Variants in PCDHA2 observed in about 807,000 individuals in gnomAD.
The protein encoded by PCDHA2 is protocadherin alpha 2.
PCDHA2 carries 58 observed loss-of-function variants against 66.0 expected under a neutral mutation model. That is an observed-to-expected ratio of 0.88 (90% CI 0.71 to 1.09). The LOEUF (loss-of-function observed/expected upper bound fraction) is 1.09, where lower values mean the gene tolerates loss of function less well. PCDHA2 is among the 50% of genes least tolerant of loss of function. The pLI, the probability that PCDHA2 is intolerant of heterozygous loss-of-function variation, is 0.00. For synonymous variants in PCDHA2, 634 were observed against 554.0 expected, an observed-to-expected ratio of 1.14 and a Z score of -2.03; for missense variants, 1,267 against 1,242.3, an observed-to-expected ratio of 1.02 and a Z score of -0.30.
chr5:140,856,348 G>A (rs2043945989), intron 1 of PCDHA2: 2 of 1,598,578 alleles, frequency 1.3e-6, no homozygotes, highest in Admixed American at 1.7e-5. Context: ...GGAGCGTGGA[G>A]TGCAGCATCC....
chr5:140,922,939 T>C (rs1206981483), intron 1 of PCDHA2, among the ~76,000 whole-genome samples: 1 of 152,172 alleles, frequency 6.6e-6, no homozygotes, highest in Non-Finnish European at 1.5e-5. Flanking sequence ...CTTCCAGCAA[T>C]GGAAATCCAG....
intron 1 of PCDHA2, chr5:140,823,642 G>A (rs138093911): frequency 5.6e-6 from 9 of 1,613,918 alleles, no homozygotes; most frequent in African/African-American, 1.3e-5. Context: ...CCCGTTCCGC[G>A]TGGGGCTGTA....
At chr5:140,835,863 CTGG>C in intron 1 of PCDHA2, 1 of 1,612,100 alleles carries the variant, frequency 6.2e-7, no homozygotes, top group Non-Finnish European at 8.5e-7. Context: ...GTCCTACTCG[CTGG>C]TGGAGCTGCG....
At chr5:140,982,694 A>G in intron 3 of PCDHA2, 131 bp downstream of exon 3, 1 of 1,402,998 alleles carries the variant, frequency 7.1e-7, no homozygotes, top group Non-Finnish European at 9.4e-7. Flanking sequence ...TTCCATACAT[A>G]CATGATTTCC....
intron 1 of PCDHA2, among the ~76,000 whole-genome samples, chr5:140,919,122 T>G (rs879989359): frequency 6.6e-6 from 1 of 152,224 alleles, no homozygotes; most frequent in African/African-American, 2.4e-5. Context: ...AGTTTTTGCT[T>G]CATGTGTTTT....
intron 3 of PCDHA2, among the ~76,000 whole-genome samples, chr5:141,000,387 CTCTCTCTCTA>C (rs1244377903): frequency 2.3e-3 from 152 of 66,802 alleles, no homozygotes; most frequent in African/African-American, 4.6e-3. Flanking sequence ...CTCTCTCTCT[CTCTCTCTCTA>C]TATATATATA....
intron 1 of PCDHA2, chr5:140,856,893 C>T (rs267600397): frequency 6.3e-7 from 1 of 1,596,420 alleles, no homozygotes; most frequent in Non-Finnish European, 8.6e-7. Flanking sequence ...TCATTTAGCT[C>T]TTTGGTCCCA....
At chr5:140,848,934 C>A in intron 1 of PCDHA2, 1 of 1,607,578 alleles carries the variant, frequency 6.2e-7, no homozygotes, top group Non-Finnish European at 8.5e-7. Context: ...GGAATCCAGG[C>A]CGCTTGACTC....
chr5:140,882,161 T>C (rs1235221234), intron 1 of PCDHA2: 1 of 1,509,194 alleles, frequency 6.6e-7, no homozygotes, highest in African/African-American at 1.4e-5. Flanking sequence ...GGAATACCTC[T>C]TGCGAATCCT....
At chr5:140,801,112 G>A in intron 1 of PCDHA2, 1 of 1,512,952 alleles carries the variant, frequency 6.6e-7, no homozygotes, top group Non-Finnish European at 8.8e-7. Flanking sequence ...ACACCGAGGA[G>A]TTTAAGAAAT....
rs77940063 is a variant in PCDHA2, at chr5:140,966,638, T to G, written c.2389-12311T>G. Reference sequence around the variant, plus strand: ...ACGGAGGGAGCGGCCCCAGGCGCTTTCTAGAGCGTGAGCGGTGGGGGAGCA... The same window carrying G: ...ACGGAGGGAGCGGCCCCAGGCGCTTGCTAGAGCGTGAGCGGTGGGGGAGCA... On this transcript the variant is annotated intron_variant, in intron 1 of 3. Transcript: ENST00000526136. The G allele has an allele frequency of 3.9e-3, 4,251 of 1,090,104 alleles. 104 individuals carry two copies. The African/African-American group carries it at 0.057, about 15-fold the overall frequency. 67.5% of individuals were successfully genotyped at this position (1,090,104 alleles called of 1,614,324 possible).
rs373601874 is a variant in PCDHA2, at chr5:140,873,473, C to T, written c.2388+76121C>T. ...TTTGCATTTTAGATAATTCAAATTACTTGGACTGATTTCTGCAAAGTTGTG... is the reference window on the plus strand; with the variant it reads ...TTTGCATTTTAGATAATTCAAATTATTTGGACTGATTTCTGCAAAGTTGTG... On this transcript the variant is annotated intron_variant, in intron 1 of 3. Transcript: ENST00000526136. Among the ~76,000 whole-genome samples the T allele has an allele frequency of 1.5e-4, 23 of 152,180 alleles. No homozygotes were observed. The East Asian group carries it at 2.3e-3, about 15-fold the overall frequency.
intron 1 of PCDHA2, chr5:140,830,424 C>T (rs1771055440): frequency 6.2e-7 from 1 of 1,613,928 alleles, no homozygotes; most frequent in Non-Finnish European, 8.5e-7. Context: ...AGCCTTTCAC[C>T]TTGTCCTATT....
chr5:140,834,454 G>A, intron 1 of PCDHA2: 1 of 1,614,182 alleles, frequency 6.2e-7, no homozygotes, highest in South Asian at 1.1e-5. Flanking sequence ...CTAGCAGCTT[G>A]GGAGGCAGGG....
Position 140,797,196 on chromosome 5 carries a change from C to G in PCDHA2, c.2232C>G (p.Ala744=). The change falls in exon 1 of 4, where the codon GCC becomes GCG. Residue 744 remains alanine, a synonymous_variant. Coordinates refer to ENST00000526136, the MANE Select transcript of PCDHA2 (RefSeq NM_018905.3). The stretch of plus-strand genomic sequence containing the variant: ...AGCCCACGCTGGTGTGCTCCAGCGC[C>G]GTGGGGAGCTGGTCTTACTCGCAGC... ...PGKPTLVCSS[A]VGSWSYSQQR... The G allele has an allele frequency of 6.2e-7, 1 of 1,614,128 alleles. No individual in the cohort carries two copies. Among genetic ancestry groups the G allele is most frequent in the Non-Finnish European group, 8.5e-7 (1 of 1,180,038 alleles).
rs148906083 is a variant in PCDHA2, at chr5:140,906,715, A to C, written c.2389-72234A>C. ...CTGGGCCATTTGTAGTCCTGCCTGG[A>C]TTGTGCTGTTGTAGTTTCCCATTGA... On this transcript the variant is annotated intron_variant, in intron 1 of 3. Transcript: ENST00000526136. Among the ~76,000 whole-genome samples, 692 of 152,238 alleles carry C rather than the reference A, an allele frequency of 4.5e-3. 12 individuals carry two copies. The highest frequency in any genetic ancestry group is 0.027 in the Middle Eastern group (8 of 294).
chr5:140,927,272 G>A lies in PCDHA2; in HGVS notation c.2389-51677G>A, dbSNP rs782403423. 3.7e-6 allele frequency: 6 copies of A among 1,613,966 alleles called. No homozygotes were observed. Among genetic ancestry groups the A allele is most frequent in the African/African-American group, 1.3e-5 (1 of 74,910 alleles). ...GACAACTCACCTCTCTTTCCTGCCG[G>A]CGACGTGCAGCTGCACATCCCCGAG... On this transcript the variant is annotated intron_variant, in intron 1 of 3. Transcript: ENST00000526136.
intron 1 of PCDHA2, among the ~76,000 whole-genome samples, chr5:140,947,689 G>A (rs1276078725): frequency 2.0e-5 from 3 of 151,490 alleles, no homozygotes; most frequent in African/African-American, 4.8e-5. Context: ...GTCTCAGCAT[G>A]TTCTGTAGTT....
Position 140,797,036 on chromosome 5 carries a change from C to T in PCDHA2, c.2072C>T (p.Ala691Val), listed in dbSNP as rs373020261. ...RAWVGAAGSE[A>V]TLVDVNVYLI... is the part of the protein sequence containing the mutation. ...TGGGTGGGCGCCGCGGGCTCAGAGG[C>T]TACGCTGGTGGATGTCAACGTGTAC... Residue 691 changes from alanine (A) to valine (V), a missense_variant, in exon 1 of 4, where the codon GCT becomes GTT. Physicochemically the swap from Ala to Val is moderately conservative, Grantham distance 64. Transcript: ENST00000526136. 6.2e-6 allele frequency: 10 copies of T among 1,613,594 alleles called. No individual in the cohort carries two copies. The African/African-American group carries it at 1.3e-4, about 22-fold the overall frequency.
Sources: gnomAD v4.1 joint callset for allele counts (sites outside exome capture counted in the v4.1 genomes callset) on GRCh38, gnomAD v4.1.1 for gene constraint, MANE v1.5 for transcripts, NCBI Gene and HGNC (gene_info 2026-07-23, HGNC 2026-07-21) for gene names.